SMARCA1: variants seen among roughly 807,000 people sequenced by gnomAD.
SMARCA1 encodes SWI/SNF-related matrix-associated actin-dependent regulator of chromatin subfamily A member 1.
In SMARCA1, 17 loss-of-function variants were observed where a neutral mutation model predicts 93.6. That is an observed-to-expected ratio of 0.18 (90% CI 0.12 to 0.27). The LOEUF (loss-of-function observed/expected upper bound fraction) is 0.27. Among genes scored for constraint, SMARCA1 ranks in the 10% least tolerant of loss-of-function variants. The pLI is 1.00. For missense variants in SMARCA1, 630 were observed against 819.0 expected (o/e 0.77, Z 2.82); for synonymous variants, 271 against 271.4 (o/e 1.00, Z 0.01).
intron 14 of SMARCA1, 63 bp from the exon 15 acceptor site, chrX:129,490,255 T>C (rs1211924483): frequency 9.0e-6 from 7 of 773,752 alleles, no homozygotes; most frequent in Non-Finnish European, 1.3e-5. Context: ...AGCCATCATA[T>C]GCTATAAAAT....
At chrX:129,488,114 T>C (rs747107509) in intron 16 of SMARCA1, among the ~76,000 whole-genome samples, 7 of 110,816 alleles carry the variant, frequency 6.3e-5, no homozygotes, top group East Asian at 5.7e-4. Flanking sequence ...CTTTTACTTA[T>C]GTTTAAAATT....
chrX:129,481,513 T>G (rs981303671), intron 17 of SMARCA1, among the ~76,000 whole-genome samples: 1 of 112,197 alleles, frequency 8.9e-6, no homozygotes, highest in African/African-American at 3.2e-5. Context: ...AGAGTAACAT[T>G]GACTGTGGTA....
At chrX:129,501,562 C>A (rs1357261022) in intron 9 of SMARCA1, among the ~76,000 whole-genome samples, 1 of 110,111 alleles carries the variant, frequency 9.1e-6, no homozygotes, top group Non-Finnish European at 1.9e-5. Flanking sequence ...TCCCAAAGTG[C>A]TAGGATTACA....
At chrX:129,493,181 TA>T in intron 12 of SMARCA1, 106 bp from the exon 13 acceptor site, 1 of 331,997 alleles carries the variant, frequency 3.0e-6, no homozygotes, top group East Asian at 4.4e-5. Context: ...CGATCAAGAA[TA>T]GGGGGATGAA....
At chrX:129,503,110 G>A (rs1453142241) in intron 9 of SMARCA1, among the ~76,000 whole-genome samples, 3 of 111,970 alleles carry the variant, frequency 2.7e-5, no homozygotes, top group African/African-American at 9.7e-5. Flanking sequence ...ACCTGATGAG[G>A]GAGAAGGAGG....
At chrX:129,451,234 T>C (rs192059663) in intron 23 of SMARCA1, among the ~76,000 whole-genome samples, 1 of 111,800 alleles carries the variant, frequency 8.9e-6, no homozygotes, top group African/African-American at 3.2e-5. Context: ...ATAACACACA[T>C]ACAAATTAAA....
At chrX:129,452,999 T>C (rs373196583) in intron 23 of SMARCA1, among the ~76,000 whole-genome samples, 2 of 111,657 alleles carry the variant, frequency 1.8e-5, no homozygotes, top group East Asian at 2.8e-4. Flanking sequence ...GTTACTATCA[T>C]AATCATTGTG....
intron 21 of SMARCA1, 33 bp from the exon 22 acceptor site, chrX:129,465,995 T>C (rs374784801): frequency 4.8e-5 from 34 of 713,662 alleles, no homozygotes; most frequent in Non-Finnish European, 7.1e-5. Flanking sequence ...TAAAATCCTA[T>C]CATTTAAGCA....
intron 1 of SMARCA1, among the ~76,000 whole-genome samples, chrX:129,520,038 T>TA (rs397896968): frequency 1.1e-5 from 1 of 91,166 alleles, no homozygotes; most frequent in African/African-American, 4.1e-5. Context: ...CTAATTAAAA[T>TA]CCTAATCTTG....
intron 6 of SMARCA1, among the ~76,000 whole-genome samples, chrX:129,509,501 G>A (rs771005879): frequency 9.8e-5 from 11 of 111,734 alleles, no homozygotes; most frequent in Non-Finnish European, 1.9e-4. Context: ...CCATTCAGTC[G>A]TGCTAACACC....
At chrX:129,504,104 C>A (rs1417954337) in intron 9 of SMARCA1, among the ~76,000 whole-genome samples, 2 of 110,356 alleles carry the variant, frequency 1.8e-5, no homozygotes, top group East Asian at 5.7e-4. Context: ...ATGGTGAAAC[C>A]CCATCTCTAC....
At chrX:129,476,230 A>G (rs1175095414) in intron 19 of SMARCA1, among the ~76,000 whole-genome samples, 1 of 112,139 alleles carries the variant, frequency 8.9e-6, no homozygotes, top group Non-Finnish European at 1.9e-5. Flanking sequence ...CCTAAGGTCA[A>G]AGCTTAGATA....
At chrX:129,485,078 G>A (rs767851284) in intron 17 of SMARCA1, among the ~76,000 whole-genome samples, 1 of 112,362 alleles carries the variant, frequency 8.9e-6, no homozygotes, top group South Asian at 3.7e-4. Flanking sequence ...GTGGAATTGG[G>A]GGTGTTGCAG....
chrX:129,489,381 CTAATA>C lies in SMARCA1; in HGVS notation c.1949-301_1949-297del, dbSNP rs769941980. Among the ~76,000 whole-genome samples the C allele has an allele frequency of 5.4e-5, 6 of 112,093 alleles. No individual in the cohort carries two copies. The East Asian group carries it at 1.7e-3, about 31-fold the overall frequency. ...ACTTCTCTATATGAAAAGGTACCCT[CTAATA>C]TGTTTTCAAAAATTTAAAAGTAGCC... On this transcript the variant is annotated intron_variant, in intron 15 of 24. Transcript: ENST00000371121.
At chrX:129,508,991 G>C (rs1934926814) in intron 6 of SMARCA1, among the ~76,000 whole-genome samples, 1 of 110,310 alleles carries the variant, frequency 9.1e-6, no homozygotes, top group African/African-American at 3.3e-5. Flanking sequence ...TTCAAGAACA[G>C]CCTGGCCAAC....
intron 19 of SMARCA1, among the ~76,000 whole-genome samples, chrX:129,472,006 G>A (rs1338159281): frequency 7.1e-5 from 8 of 111,977 alleles, no homozygotes; most frequent in Non-Finnish European, 1.5e-4. Context: ...AGTGAAAACT[G>A]AGAAGAGAAC....
intron 23 of SMARCA1, among the ~76,000 whole-genome samples, chrX:129,457,841 AG>A (rs1408419908): frequency 8.9e-6 from 1 of 112,006 alleles, no homozygotes; most frequent in Non-Finnish European, 1.9e-5. Flanking sequence ...ACATGTTTCA[AG>A]GAAGTTCCCA....
At position 129,447,197 on chromosome X, in the gene SMARCA1, A is replaced by G. The variant is rs1932050191; in HGVS notation, c.3178T>C (p.Ser1060Pro). The change falls in exon 25 of 25, where the codon TCT becomes CCT. Residue 1060 changes from serine to proline, a missense_variant. Coordinates refer to ENST00000371121, the MANE Select transcript of SMARCA1 (RefSeq NM_001282874.2). Reference sequence around the variant, plus strand: ...ACCTTCTTGACATCCTTCTTTCCAGAGCTCTCAGTAGCTGACTCTGCTTTT... The same window carrying G: ...ACCTTCTTGACATCCTTCTTTCCAGGGCTCTCAGTAGCTGACTCTGCTTTT... Reference protein sequence around the residue: ...KRKAESATESSGKKDVKKVKS With the variant: ...KRKAESATESPGKKDVKKVKS 8.8e-7 allele frequency: 1 copy of G among 1,140,803 alleles called. No individual in the cohort carries two copies. The highest frequency in any genetic ancestry group is 1.8e-5 in the African/African-American group (1 of 55,365). 94.0% of individuals were successfully genotyped at this position (1,140,803 alleles called of 1,213,427 possible). A position where few individuals can be genotyped will look rare whatever the true frequency, so the allele number is the denominator to read the frequency against.
At chrX:129,481,381 T>C (rs998021581) in intron 17 of SMARCA1, among the ~76,000 whole-genome samples, 196 bp from the exon 18 acceptor site, 5 of 112,613 alleles carry the variant, frequency 4.4e-5, no homozygotes, top group Admixed American at 3.8e-4. Context: ...AAGACAGTTT[T>C]CTTTATTTTT....
Sources: gnomAD v4.1 joint callset for allele counts (sites outside exome capture counted in the v4.1 genomes callset) on GRCh38, gnomAD v4.1.1 for gene constraint, MANE v1.5 for transcripts, NCBI Gene and HGNC (gene_info 2026-07-23, HGNC 2026-07-21) for gene names.